DNAH11: variants seen among roughly 807,000 people sequenced by gnomAD.
DNAH11 encodes dynein axonemal heavy chain 11, also known as axonemal beta dynein heavy chain 11.
Under a neutral mutation model 526.0 loss-of-function variants are expected in DNAH11, and 442 were observed. That is an observed-to-expected ratio of 0.84 (90% CI 0.78 to 0.91). DNAH11 has a LOEUF of 0.91. Ranked by LOEUF, DNAH11 falls within the 40% of genes least tolerant of loss-of-function variation. The pLI is 0.00. For missense variants in DNAH11, 6,989 were observed against 5,448.7 expected (o/e 1.28, Z -8.90); for synonymous variants, 2,461 against 1,935.9 (o/e 1.27, Z -7.12).
At chr7:21,613,665 GAGT>G (rs1245665067) in intron 20 of DNAH11, among the ~76,000 whole-genome samples, 1 of 152,174 alleles carries the variant, frequency 6.6e-6, no homozygotes, top group African/African-American at 2.4e-5. Flanking sequence ...GAAAATTGCT[GAGT>G]AGATTTTAAG....
chr7:21,771,321 C>G (rs1787425040), intron 55 of DNAH11, among the ~76,000 whole-genome samples: 1 of 151,960 alleles, frequency 6.6e-6, no homozygotes, highest in African/African-American at 2.4e-5. Context: ...TAGTGCTGAC[C>G]TCTGGGTATT....
At position 21,900,113 on chromosome 7, in the gene DNAH11, C is replaced by T; in HGVS notation, c.13296C>T (p.Phe4432=). The change falls in exon 81 of 82, where the codon TTC becomes TTT. Residue 4432 remains phenylalanine (F), a synonymous_variant. Transcript: ENST00000409508. ...AAGGTGCATACCTCCACGGACTCTT[C>T]ATGGAGGGTAAGACACCCCAAGGGG... The part of the protein sequence containing the change: ...PREGAYLHGL[F]MEGARWDTQA... 3 of 1,612,720 alleles carry T rather than the reference C, an allele frequency of 1.9e-6. No individual in the cohort carries two copies. Among genetic ancestry groups the T allele is most frequent in the Non-Finnish European group, 1.7e-6 (2 of 1,179,244 alleles).
At chr7:21,588,432 T>G in intron 10 of DNAH11, 80 bp from the exon 11 acceptor site, 1 of 1,546,186 alleles carries the variant, frequency 6.5e-7, no homozygotes, top group African/African-American at 1.4e-5. Context: ...AATACCAAAA[T>G]GAAAAATTGC....
At chr7:21,810,474 G>C (rs542782061) in intron 63 of DNAH11, among the ~76,000 whole-genome samples, 23 of 152,278 alleles carry the variant, frequency 1.5e-4, no homozygotes, top group African/African-American at 5.5e-4. Context: ...TTACTTTAGG[G>C]AAGTAGGAAA....
chr7:21,591,386 A>G lies in DNAH11; in HGVS notation c.2476A>G (p.Arg826Gly), dbSNP rs760855822. The change falls in exon 14 of 82, where the codon AGA becomes GGA. Residue 826 changes from arginine (R) to glycine (G), a missense_variant. Transcript: ENST00000409508. ...VRAATSELEH[R>G]VERTQKNVKV... ...GGCAGCCACGTCCGAGTTGGAGCAC[A>G]GAGTTGAGCGCACACAGAAAAACGT... 1.2e-6 allele frequency: 2 copies of G among 1,613,964 alleles called. No homozygotes were observed. The highest frequency in any genetic ancestry group is 3.3e-5 in the Admixed American group (2 of 60,030).
At chr7:21,877,481 TATC>T (rs2042904580) in intron 74 of DNAH11, among the ~76,000 whole-genome samples, 1 of 152,234 alleles carries the variant, frequency 6.6e-6, no homozygotes, top group Admixed American at 6.5e-5. Context: ...AGTGCTTTAT[TATC>T]CTGAGCATTC....
At chr7:21,654,986 T>C (rs986366440) in intron 28 of DNAH11, among the ~76,000 whole-genome samples, 2 of 152,200 alleles carry the variant, frequency 1.3e-5, no homozygotes, top group Non-Finnish European at 2.9e-5. Flanking sequence ...GGAGGCCAGA[T>C]AGATTTTGTT....
chr7:21,797,677 G>C (rs1339603396), intron 61 of DNAH11, among the ~76,000 whole-genome samples: 1 of 152,178 alleles, frequency 6.6e-6, no homozygotes, highest in African/African-American at 2.4e-5. Flanking sequence ...GAAAGTAGTA[G>C]ATTGTCACCT....
At chr7:21,789,805 CTTTTTT>C (rs1788370351) in intron 61 of DNAH11, among the ~76,000 whole-genome samples, 1 of 59,660 alleles carries the variant, frequency 1.7e-5, no homozygotes, top group African/African-American at 5.9e-5. Flanking sequence ...TTCTTTCTTT[CTTTTTT>C]CTTTCTTTCT....
rs764608320 is a variant in DNAH11 at position 21,742,010 on chromosome 7, C to T, written c.7998C>T (p.Phe2666=). The T allele has an allele frequency of 1.9e-6, 3 of 1,613,830 alleles. No homozygotes were observed. Among genetic ancestry groups the T allele is most frequent in the Admixed American group, 1.7e-5 (1 of 59,992 alleles). Residue 2666 remains phenylalanine, a synonymous_variant, in exon 49 of 82, where the codon TTC becomes TTT. Coordinates refer to ENST00000409508, the MANE Select transcript of DNAH11 (RefSeq NM_001277115.2). ...TIYGQIFSFH[F]QQQAFAPSIL... ...ATGGCCAAATCTTTAGCTTCCATTTCCAACAGCAAGCATTTGCTCCATCAA... is the reference window on the plus strand; with the variant it reads ...ATGGCCAAATCTTTAGCTTCCATTTTCAACAGCAAGCATTTGCTCCATCAA...
intron 2 of DNAH11, among the ~76,000 whole-genome samples, chr7:21,554,567 A>G (rs916172739): frequency 6.6e-6 from 1 of 152,142 alleles, no homozygotes; most frequent in African/African-American, 2.4e-5. Context: ...TACCTCTCCC[A>G]GATGGTTATG....
intron 25 of DNAH11, among the ~76,000 whole-genome samples, chr7:21,632,084 G>A (rs899983825): frequency 3.3e-5 from 5 of 152,210 alleles, no homozygotes; most frequent in South Asian, 2.1e-4. Context: ...CATGGAAGCT[G>A]CCAATGCTTG....
chr7:21,603,286 C>T (rs1322068150), intron 18 of DNAH11, among the ~76,000 whole-genome samples: 1 of 152,176 alleles, frequency 6.6e-6, no homozygotes, highest in Non-Finnish European at 1.5e-5. Context: ...CCGTCCATAC[C>T]ACCATTGGCT....
chr7:21,544,593 C>T (rs1782737023), intron 1 of DNAH11, among the ~76,000 whole-genome samples: 1 of 152,128 alleles, frequency 6.6e-6, no homozygotes, highest in African/African-American at 2.4e-5. Context: ...GATAGAAATA[C>T]AAATTAACCT....
chr7:21,769,344 G>A (rs1554279164), intron 55 of DNAH11, among the ~76,000 whole-genome samples: 1 of 152,124 alleles, frequency 6.6e-6, no homozygotes, highest in Non-Finnish European at 1.5e-5. Context: ...TGACTTAAAT[G>A]GAGCTATCCC....
intron 65 of DNAH11, among the ~76,000 whole-genome samples, chr7:21,829,097 C>T (rs559026930): frequency 4.6e-5 from 7 of 152,208 alleles, no homozygotes; most frequent in Non-Finnish European, 8.8e-5. Context: ...TGATCTTTTC[C>T]GCTGCACTCT....
intron 69 of DNAH11, among the ~76,000 whole-genome samples, chr7:21,863,128 A>G (rs1265422397): frequency 6.6e-6 from 1 of 152,028 alleles, no homozygotes; most frequent in Admixed American, 6.5e-5. Context: ...AAACCCTTGC[A>G]GACCACATTC....
chr7:21,705,351 G>A (rs1177725848), intron 38 of DNAH11, 109 bp from the exon 39 acceptor site: 2 of 1,006,452 alleles, frequency 2.0e-6, no homozygotes, highest in African/African-American at 3.2e-5. Context: ...ACTGTTGTCA[G>A]TGGGGGCTGG....
chr7:21,900,853 A>T, intron 81 of DNAH11, 154 bp from the exon 82 acceptor site: 4 of 1,291,170 alleles, frequency 3.1e-6, no homozygotes, highest in Non-Finnish European at 3.1e-6. Flanking sequence ...TACCTTTCAA[A>T]GCTCAGTCCG....
Sources: allele counts gnomAD v4.1 joint callset (sites outside exome capture counted in the v4.1 genomes callset), GRCh38; gene constraint gnomAD v4.1.1; transcripts MANE v1.5; gene names NCBI Gene and HGNC (gene_info 2026-07-23, HGNC 2026-07-21).